USP20: variants seen among roughly 807,000 people sequenced by gnomAD.
The protein encoded by USP20 is ubiquitin specific peptidase 20.
A neutral mutation model predicts 124.2 loss-of-function variants in USP20; 80 were observed. The observed-to-expected ratio is 0.64, with a 90% confidence interval of 0.54 to 0.78. The LOEUF (loss-of-function observed/expected upper bound fraction) is 0.78, where lower values mean the gene tolerates loss of function less well. Among genes scored for constraint, USP20 ranks in the 30% least tolerant of loss-of-function variants. The pLI, the probability that USP20 is intolerant of heterozygous loss-of-function variation, is 0.00. For missense variants in USP20, 1,043 were observed against 1,244.4 expected, an observed-to-expected ratio of 0.84 and a Z score of 2.44; for synonymous variants, 481 against 512.3, an observed-to-expected ratio of 0.94 and a Z score of 0.83.
intron 6 of USP20, among the ~76,000 whole-genome samples, chr9:129,859,662 G>A (rs2033433429): frequency 6.6e-6 from 1 of 152,144 alleles, no homozygotes; most frequent in African/African-American, 2.4e-5. Flanking sequence ...AGATATTTAT[G>A]AATTTTTATA....
chr9:129,855,885 C>T (rs62583561), intron 3 of USP20, among the ~76,000 whole-genome samples: 11,282 of 152,118 alleles, frequency 0.074, 479 homozygotes, highest in Middle Eastern at 0.15. Context: ...TGTGAACTCA[C>T]AGGGGTAGGC....
Position 129,876,254 on chromosome 9 carries a change from C to T in USP20, c.2409+16C>T, listed in dbSNP as rs754949071. The stretch of plus-strand genomic sequence containing the variant: ...CTTCATCAAGGTGCGTGCGGCGAGG[C>T]GGCGCGGGGGCGGCTCTGCCAGCCT... On this transcript the variant is annotated intron_variant, in intron 22 of 25. Transcript: ENST00000372429. The T allele has an allele frequency of 5.6e-6, 9 of 1,598,824 alleles. No individual in the cohort carries two copies. Among genetic ancestry groups the T allele is most frequent in the South Asian group, 1.1e-5 (1 of 89,224 alleles).
chr9:129,837,370 C>T (rs904963872), intron 1 of USP20, among the ~76,000 whole-genome samples: 2 of 152,180 alleles, frequency 1.3e-5, no homozygotes, highest in Non-Finnish European at 2.9e-5. Context: ...GGTTTCCTAG[C>T]TCCTTTCTGG....
At chr9:129,864,119 A>C (rs1302339351) in intron 9 of USP20, among the ~76,000 whole-genome samples, 1 of 145,342 alleles carries the variant, frequency 6.9e-6, no homozygotes, top group African/African-American at 2.5e-5. Flanking sequence ...AAAAAAAAAC[A>C]AAAACAAAAC....
At position 129,869,605 on chromosome 9, in the gene USP20, G is replaced by C. The variant is rs1285291751; in HGVS notation, c.1393-67G>C. The C allele has an allele frequency of 6.9e-6, 11 of 1,594,298 alleles. No individual in the cohort carries two copies. The South Asian group carries it at 1.2e-4, about 18-fold the overall frequency. ...GGAGTAGTCCCTCTGCCCCTCACCT[G>C]CTGCTTGGGGTTTGGGGTGCAGACA... is the stretch of plus-strand genomic sequence containing the variant. On this transcript the variant is annotated intron_variant, in intron 13 of 25. Transcript: ENST00000372429.
At position 129,865,501 on chromosome 9, in the gene USP20, G is replaced by A. The variant is rs865977615; in HGVS notation, c.690+120G>A. On this transcript the variant is annotated intron_variant, in intron 10 of 25. Transcript: ENST00000372429. Reference sequence around the variant, plus strand: ...CTGAGCACTGGTTGGCAGGTCTCACGGACCAGGCTCTCACTCCTAAGCCCT... The same window carrying A: ...CTGAGCACTGGTTGGCAGGTCTCACAGACCAGGCTCTCACTCCTAAGCCCT... 61 of 1,035,014 alleles carry A rather than the reference G, an allele frequency of 5.9e-5. No individual in the cohort carries two copies. The Middle Eastern group carries it at 3.0e-3, about 51-fold the overall frequency. The allele number at this position is 1,035,014 out of a possible 1,614,324, so 64.1% of individuals were successfully genotyped here. A position where few individuals can be genotyped will look rare whatever the true frequency, so the allele number is the denominator to read the frequency against.
At chr9:129,863,013 A>T (rs1025596663) in intron 8 of USP20, among the ~76,000 whole-genome samples, 173 bp from the exon 9 acceptor site, 1 of 152,138 alleles carries the variant, frequency 6.6e-6, no homozygotes, top group Non-Finnish European at 1.5e-5. Flanking sequence ...ATTTTGGAGG[A>T]TACAATTTTC....
intron 9 of USP20, among the ~76,000 whole-genome samples, chr9:129,864,482 A>G (rs1370861000): frequency 6.6e-6 from 1 of 151,304 alleles, no homozygotes; most frequent in East Asian, 1.9e-4. Context: ...AAAAAAAAAA[A>G]AAAAAAAAAA....
intron 9 of USP20, among the ~76,000 whole-genome samples, chr9:129,864,350 C>G (rs182813866): frequency 1.3e-3 from 200 of 151,632 alleles, no homozygotes; most frequent in African/African-American, 4.8e-3. Flanking sequence ...ACTTGTGGTC[C>G]CAGCTACTCA....
chr9:129,862,853 C>T (rs2033619187), intron 8 of USP20, among the ~76,000 whole-genome samples: 1 of 151,822 alleles, frequency 6.6e-6, no homozygotes, highest in Non-Finnish European at 1.5e-5. Flanking sequence ...TTGCAATGAA[C>T]CAAGATTGCA....
intron 8 of USP20, 85 bp downstream of exon 8, chr9:129,861,697 C>A: frequency 7.7e-7 from 1 of 1,294,656 alleles, no homozygotes; most frequent in Non-Finnish European, 1.1e-6. Flanking sequence ...CAGCCGGTTG[C>A]CCACAAACAC....
At chr9:129,853,852 G>A (rs554175548) in intron 3 of USP20, among the ~76,000 whole-genome samples, 19 of 152,292 alleles carry the variant, frequency 1.2e-4, no homozygotes, top group Middle Eastern at 3.4e-3. Context: ...CCTGGCAGCC[G>A]TTCAGAAGCC....
intron 3 of USP20, 51 bp from the exon 4 acceptor site, chr9:129,856,256 C>G (rs368788642): frequency 6.3e-7 from 1 of 1,584,280 alleles, no homozygotes; most frequent in East Asian, 2.2e-5. Flanking sequence ...TGCTCAGCCC[C>G]GCAACGGGCT....
chr9:129,868,641 A>T (rs2033951526), intron 11 of USP20, among the ~76,000 whole-genome samples, 192 bp downstream of exon 11: 2 of 152,262 alleles, frequency 1.3e-5, no homozygotes, highest in South Asian at 4.1e-4. Context: ...CTGGAGCCCA[A>T]TTCAGAGCCC....
intron 10 of USP20, among the ~76,000 whole-genome samples, chr9:129,867,254 A>C (rs1320598425): frequency 6.6e-6 from 1 of 152,158 alleles, no homozygotes; most frequent in Non-Finnish European, 1.5e-5. Flanking sequence ...GTGAGCACAC[A>C]GATCTCAGTG....
rs190481647 is a variant in USP20 at position 129,847,352 on chromosome 9, G to A, written c.-128-2461G>A. Among the ~76,000 whole-genome samples the A allele has an allele frequency of 4.0e-5, 6 of 149,592 alleles. No individual in the cohort carries two copies. In the East Asian group the frequency reaches 1.2e-3, roughly 29 times the overall value. On this transcript the variant is annotated intron_variant, in intron 1 of 25. Coordinates refer to ENST00000372429, the MANE Select transcript of USP20 (RefSeq NM_001110303.4). ...GAGTCTTGCTCTGTCGCCCAGGCTGGAGTGCAGTGGTGCGATCTCAGCTCA... is the reference window on the plus strand; with the variant it reads ...GAGTCTTGCTCTGTCGCCCAGGCTGAAGTGCAGTGGTGCGATCTCAGCTCA...
chr9:129,874,576 A>C lies in USP20; in HGVS notation c.1741A>C (p.Ile581Leu), dbSNP rs765206020. 24 of 1,613,532 alleles carry C rather than the reference A, an allele frequency of 1.5e-5. No individual in the cohort carries two copies. Among genetic ancestry groups the C allele is most frequent in the Admixed American group, 5.0e-5 (3 of 60,018 alleles). ...ACCGGCGCTCTCTCTGTCCCCGCAG[A>C]TCCTGTGCATTCACCTAAAGCGCTT... ...KYCKVLRLPEILCIHLKRFRH... is the reference protein window; with the variant it reads ...KYCKVLRLPELLCIHLKRFRH... Residue 581 changes from isoleucine to leucine, a missense_variant and splice_region_variant, in exon 18 of 26, where the codon ATC becomes CTC. By Grantham distance (5) the Ile-to-Leu change is conservative. Transcript: ENST00000372429.
chr9:129,880,452 C>A lies in USP20; in HGVS notation c.*17-15C>A. 1 of 825,672 alleles carries A rather than the reference C, an allele frequency of 1.2e-6. No homozygotes were observed. Among genetic ancestry groups the A allele is most frequent in the Non-Finnish European group, 1.8e-6 (1 of 544,724 alleles). 51.1% of individuals were successfully genotyped at this position (825,672 alleles called of 1,614,324 possible). A position where few individuals can be genotyped will look rare whatever the true frequency, so the allele number is the denominator to read the frequency against. The stretch of plus-strand genomic sequence containing the variant: ...CATGGCCCGGCCCCACTGCTGAGTG[C>A]CCGTGTCCCCACAGCCCCATGTGCC... On this transcript the variant is annotated splice_polypyrimidine_tract_variant and intron_variant, in intron 25 of 25. Coordinates refer to ENST00000372429, the MANE Select transcript of USP20 (RefSeq NM_001110303.4).
chr9:129,849,420 G>T (rs148827469), intron 1 of USP20, among the ~76,000 whole-genome samples: 315 of 152,312 alleles, frequency 2.1e-3, no homozygotes, highest in African/African-American at 7.0e-3. Flanking sequence ...CAGGAGGAAT[G>T]CTGGGCCCTT....
Sources: allele counts gnomAD v4.1 joint callset (sites outside exome capture counted in the v4.1 genomes callset), GRCh38; gene constraint gnomAD v4.1.1; transcripts MANE v1.5; gene names NCBI Gene and HGNC (gene_info 2026-07-23, HGNC 2026-07-21).